The following LRRC3B variants were observed in gnomAD, a reference collection of about 807,000 sequenced individuals.
The protein encoded by LRRC3B is leucine-rich repeat-containing protein 3B.
A neutral mutation model predicts 12.8 loss-of-function variants in LRRC3B; 2 were observed. That is an observed-to-expected ratio of 0.16 (90% confidence interval 0.06 to 0.49). LRRC3B has a LOEUF of 0.49. Among genes scored for constraint, LRRC3B ranks in the 20% least tolerant of loss-of-function variants. The probability of loss-of-function intolerance (pLI) is 0.96; values close to 1 mark genes in which losing one functional copy is unlikely to be tolerated. For synonymous variants in LRRC3B, 132 were observed against 122.0 expected (o/e 1.08, Z -0.54); for missense variants, 189 against 319.4 (o/e 0.59, Z 3.11).
At chr3:26,652,071 T>C (rs374964007) in intron 1 of LRRC3B, among the ~76,000 whole-genome samples, 1 of 152,274 alleles carries the variant, frequency 6.6e-6, no homozygotes, top group South Asian at 2.1e-4. Context: ...TTGCTGCCCC[T>C]ACTATAATTT....
At chr3:26,639,620 A>C (rs913032181) in intron 1 of LRRC3B, among the ~76,000 whole-genome samples, 8 of 152,184 alleles carry the variant, frequency 5.3e-5, no homozygotes, top group Non-Finnish European at 7.4e-5. Flanking sequence ...CTCAATAGCC[A>C]CATGTGGCCA....
intron 1 of LRRC3B, among the ~76,000 whole-genome samples, chr3:26,708,467 G>C (rs1335875458): frequency 6.6e-6 from 1 of 152,066 alleles, no homozygotes; most frequent in African/African-American, 2.4e-5. Context: ...AAAGACTTTG[G>C]CTTGAGTCCT....
At chr3:26,685,523 C>CTCTATA (rs1200535225) in intron 1 of LRRC3B, among the ~76,000 whole-genome samples, 7 of 38,304 alleles carry the variant, frequency 1.8e-4, no homozygotes, top group African/African-American at 5.1e-4. Context: ...CTCTCTCTCT[C>CTCTATA]TATATATATA....
At chr3:26,666,523 C>A (rs1699607287) in intron 1 of LRRC3B, among the ~76,000 whole-genome samples, 1 of 152,052 alleles carries the variant, frequency 6.6e-6, no homozygotes, top group Non-Finnish European at 1.5e-5. Flanking sequence ...CTGCCAACTG[C>A]TTGGCAATAG....
chr3:26,645,403 T>C (rs1014323416), intron 1 of LRRC3B, among the ~76,000 whole-genome samples: 2 of 152,102 alleles, frequency 1.3e-5, no homozygotes, highest in African/African-American at 4.8e-5. Context: ...ATAAGTAAAT[T>C]GACTTGCTCA....
At chr3:26,660,123 C>T (rs1192530012) in intron 1 of LRRC3B, among the ~76,000 whole-genome samples, 5 of 152,156 alleles carry the variant, frequency 3.3e-5, no homozygotes, top group African/African-American at 1.2e-4. Flanking sequence ...TCCATCCCTC[C>T]TCAGTCTAAG....
intron 1 of LRRC3B, among the ~76,000 whole-genome samples, chr3:26,649,921 C>A (rs146002018): frequency 2.0e-5 from 3 of 152,142 alleles, no homozygotes; most frequent in Non-Finnish European, 4.4e-5. Context: ...CCACTTGGAA[C>A]TTTCTCCCTC....
At chr3:26,634,801 C>T (rs1698831261) in intron 1 of LRRC3B, among the ~76,000 whole-genome samples, 1 of 152,136 alleles carries the variant, frequency 6.6e-6, no homozygotes, top group South Asian at 2.1e-4. Flanking sequence ...AGGGGCTGAG[C>T]TTGGTGGATG....
chr3:26,666,487 C>T (rs960065041), intron 1 of LRRC3B, among the ~76,000 whole-genome samples: 5 of 152,018 alleles, frequency 3.3e-5, no homozygotes, highest in Non-Finnish European at 5.9e-5. Flanking sequence ...AAGCTCAGGG[C>T]TTTGTACCTA....
chr3:26,679,926 C>G (rs1284742785), intron 1 of LRRC3B, among the ~76,000 whole-genome samples: 3 of 152,204 alleles, frequency 2.0e-5, no homozygotes, highest in Admixed American at 6.5e-5. Flanking sequence ...ACAGAGAACA[C>G]GGAATCCCTG....
At chr3:26,698,969 G>A (rs1265221223) in intron 1 of LRRC3B, among the ~76,000 whole-genome samples, 1 of 152,008 alleles carries the variant, frequency 6.6e-6, no homozygotes, top group Non-Finnish European at 1.5e-5. Flanking sequence ...CTCTTGCGTT[G>A]TTTTCAGTTG....
chr3:26,651,958 T>C (rs905768636), intron 1 of LRRC3B, among the ~76,000 whole-genome samples: 2 of 152,166 alleles, frequency 1.3e-5, no homozygotes, highest in African/African-American at 4.8e-5. Context: ...CATATCTCAT[T>C]GGAACTTGCC....
intron 1 of LRRC3B, among the ~76,000 whole-genome samples, chr3:26,647,618 A>G (rs1487686711): frequency 3.3e-5 from 5 of 152,170 alleles, no homozygotes; most frequent in African/African-American, 7.2e-5. Flanking sequence ...TATCCTCTTC[A>G]TATTCTTACA....
chr3:26,650,441 A>C (rs1445317044), intron 1 of LRRC3B, among the ~76,000 whole-genome samples: 1 of 152,208 alleles, frequency 6.6e-6, no homozygotes, highest in African/African-American at 2.4e-5. Flanking sequence ...TAGATCTGGA[A>C]ATGAAGAGAA....
intron 1 of LRRC3B, among the ~76,000 whole-genome samples, chr3:26,700,260 T>G (rs748832330): frequency 1.3e-5 from 2 of 152,180 alleles, no homozygotes; most frequent in Non-Finnish European, 2.9e-5. Flanking sequence ...CCCTCTTTGA[T>G]TTTCCCAAAT....
chr3:26,693,113 G>A lies in LRRC3B; in HGVS notation c.-160-16400G>A, dbSNP rs534962547. ...TGGGAGGCCGAGACGGGCGGATCAC[G>A]AGGTCAGGAGATCGAGACCATCCTG... On this transcript the variant is annotated intron_variant, in intron 1 of 1. Coordinates refer to ENST00000396641, the Ensembl canonical transcript of LRRC3B. 1.7e-3 allele frequency among the ~76,000 whole-genome samples: 256 copies of A among 151,908 alleles called. 1 individual carries two copies. The South Asian group carries it at 0.019, about 11-fold the overall frequency.
At chr3:26,701,069 AAT>A (rs1359978331) in intron 1 of LRRC3B, among the ~76,000 whole-genome samples, 1 of 152,188 alleles carries the variant, frequency 6.6e-6, no homozygotes, top group Non-Finnish European at 1.5e-5. Flanking sequence ...ACTCCTAGAT[AAT>A]AGATTGTCCT....
chr3:26,696,841 A>G (rs1027213255), intron 1 of LRRC3B, among the ~76,000 whole-genome samples: 1 of 152,208 alleles, frequency 6.6e-6, no homozygotes, highest in Non-Finnish European at 1.5e-5. Flanking sequence ...TATCTGCATC[A>G]TCAGTGAAAT....
chr3:26,667,648 G>T (rs1478269733), intron 1 of LRRC3B, among the ~76,000 whole-genome samples: 1 of 152,066 alleles, frequency 6.6e-6, no homozygotes, highest in Non-Finnish European at 1.5e-5. Context: ...GGTGTGCCTT[G>T]TCTCTTTAAA....
Sources: gnomAD v4.1 joint callset for allele counts (sites outside exome capture counted in the v4.1 genomes callset) on GRCh38, gnomAD v4.1.1 for gene constraint, MANE v1.5 for transcripts, NCBI Gene and HGNC (gene_info 2026-07-23, HGNC 2026-07-21) for gene names.